EPS15L1: variants seen among roughly 807,000 people sequenced by gnomAD.
The protein encoded by EPS15L1 is epidermal growth factor receptor pathway substrate 15 like 1, also known as epidermal growth factor receptor substrate 15-like 1.
Under a neutral mutation model 117.1 loss-of-function variants are expected in EPS15L1, and 43 were observed. The observed-to-expected ratio is 0.37, with a 90% CI of 0.29 to 0.47. The LOEUF (loss-of-function observed/expected upper bound fraction) is 0.47. Among genes scored for constraint, EPS15L1 ranks in the 20% least tolerant of loss-of-function variants. The pLI is 0.99. For missense variants in EPS15L1, 981 were observed against 1,164.0 expected, an observed-to-expected ratio of 0.84 and a Z score of 2.29; for synonymous variants, 459 against 470.5, an observed-to-expected ratio of 0.98 and a Z score of 0.32.
intron 19 of EPS15L1, among the ~76,000 whole-genome samples, chr19:16,387,744 C>A (rs1011410691): frequency 3.3e-5 from 5 of 151,896 alleles, no homozygotes; most frequent in Non-Finnish European, 7.4e-5. Flanking sequence ...CCAGCCTGGG[C>A]GAAAGAGCGA....
chr19:16,417,359 C>CCA, intron 12 of EPS15L1, 193 bp downstream of exon 12: 1 of 580,756 alleles, frequency 1.7e-6, no homozygotes, highest in Non-Finnish European at 3.1e-6. Flanking sequence ...CTGGCTGAGG[C>CCA]TGATTCAAAT....
intron 1 of EPS15L1, among the ~76,000 whole-genome samples, chr19:16,448,774 G>C (rs1599667805): frequency 1.3e-5 from 2 of 151,910 alleles, no homozygotes; most frequent in East Asian, 3.9e-4. Flanking sequence ...AGGCTGCAGT[G>C]AGCCGAGATT....
At chr19:16,468,769 T>C (rs2093324681) in intron 1 of EPS15L1, among the ~76,000 whole-genome samples, 1 of 152,108 alleles carries the variant, frequency 6.6e-6, no homozygotes, top group South Asian at 2.1e-4. Context: ...TCCAATACTT[T>C]AGGAGGCTGA....
intron 1 of EPS15L1, among the ~76,000 whole-genome samples, chr19:16,458,379 C>A (rs897684203): frequency 1.3e-5 from 2 of 152,186 alleles, no homozygotes; most frequent in Non-Finnish European, 2.9e-5. Context: ...CACACCAACA[C>A]AGAAGAGCAA....
intron 8 of EPS15L1, among the ~76,000 whole-genome samples, chr19:16,428,074 G>A (rs1437253018): frequency 6.8e-6 from 1 of 147,376 alleles, no homozygotes; most frequent in Non-Finnish European, 1.5e-5. Flanking sequence ...AGTGGCAGGT[G>A]CCTGTAATCC....
chr19:16,386,199 T>G lies in EPS15L1; in HGVS notation c.2136A>C (p.Ser712=), dbSNP rs757038650. 11 of 1,612,772 alleles carry G rather than the reference T, an allele frequency of 6.8e-6. No individual in the cohort carries two copies. Among genetic ancestry groups the G allele is most frequent in the Non-Finnish European group, 9.3e-6 (11 of 1,179,024 alleles). Residue 712 remains serine, a synonymous_variant, in exon 20 of 24, where the codon TCA becomes TCC. Coordinates refer to ENST00000455140, the MANE Select transcript of EPS15L1 (RefSeq NM_001258374.3). ...LDPFESSDPF[S]SSSVSSKGSD... ...ATCCTTTTGAGGAGACACTGGAGGA[T>G]GAAAAGGGATCACTGGATTCAAAGG...
intron 23 of EPS15L1, among the ~76,000 whole-genome samples, chr19:16,358,793 A>G (rs2092015402): frequency 6.6e-6 from 1 of 152,166 alleles, no homozygotes; most frequent in African/African-American, 2.4e-5. Context: ...ATTTACCGAC[A>G]ATGAAATTGT....
At position 16,393,830 on chromosome 19, in the gene EPS15L1, G is replaced by A. The variant is rs909003171; in HGVS notation, c.1966+121C>T. 6.4e-5 allele frequency: 65 copies of A among 1,017,460 alleles called. 1 individual carries two copies. Among genetic ancestry groups the A allele is most frequent in the South Asian group, 2.8e-4 (21 of 75,174 alleles). The allele number at this position is 1,017,460 out of a possible 1,614,324, so 63.0% of individuals were successfully genotyped here. On this transcript the variant is annotated intron_variant, in intron 18 of 23. Transcript: ENST00000455140. ...ATGGGTACAACATGGATGGACGGCC[G>A]TCCTTCCCAGTTACATGGCTGCCAT...
rs2093345228 is a variant in EPS15L1, at chr19:16,471,410, G to C, written c.33+503C>G. Reference sequence around the variant, plus strand: ...AGAGGCGCCCGGAGACGTACGATCTGCGCCCGGTGCAGGGGTGGCGGAAGC... The same window carrying C: ...AGAGGCGCCCGGAGACGTACGATCTCCGCCCGGTGCAGGGGTGGCGGAAGC... On this transcript the variant is annotated intron_variant, in intron 1 of 23. Coordinates refer to ENST00000455140, the MANE Select transcript of EPS15L1 (RefSeq NM_001258374.3). This position sits in a 1 kb window ranked among gnomAD's most constrained non-coding sequence, Gnocchi z 4.8. 6.6e-6 allele frequency among the ~76,000 whole-genome samples: 1 copy of C among 152,254 alleles called. No homozygotes were observed. The highest frequency in any genetic ancestry group is 2.1e-4 in the South Asian group (1 of 4,834).
At chr19:16,398,890 G>A (rs762445473) in intron 16 of EPS15L1, among the ~76,000 whole-genome samples, 7 of 152,152 alleles carry the variant, frequency 4.6e-5, no homozygotes, top group East Asian at 1.9e-4. Context: ...CAGAACTCCC[G>A]GGCTCAAGGA....
chr19:16,361,940 C>A lies in EPS15L1; in HGVS notation c.2425G>T (p.Glu809Ter). 6.2e-7 allele frequency: 1 copy of A among 1,613,294 alleles called. No homozygotes were observed. Among genetic ancestry groups the A allele is most frequent in the Non-Finnish European group, 8.5e-7 (1 of 1,179,732 alleles). ...VSQLGSADFP[E>*]APDPFQPLGA... Reference sequence around the variant, plus strand: ...AGTGGCTGGAATGGATCGGGGGCCTCGGGAAAGTCTGCGGAACCAAGCTGG... The same window carrying A: ...AGTGGCTGGAATGGATCGGGGGCCTAGGGAAAGTCTGCGGAACCAAGCTGG... The change falls in exon 23 of 24, where the codon GAG (glutamate) becomes TAG (stop). Residue 809 changes from glutamate to a stop codon, truncating the protein, a stop_gained. Transcript: ENST00000455140. LOFTEE classifies it high-confidence loss of function.
chr19:16,422,972 G>C (rs184120367), intron 9 of EPS15L1, among the ~76,000 whole-genome samples: 16 of 105,518 alleles, frequency 1.5e-4, no homozygotes, highest in East Asian at 7.0e-4. Flanking sequence ...AAAAAAAAAG[G>C]GGGGGGGGAT....
chr19:16,393,756 G>A (rs1210067281), intron 18 of EPS15L1, among the ~76,000 whole-genome samples, 195 bp downstream of exon 18: 1 of 152,166 alleles, frequency 6.6e-6, no homozygotes, highest in Non-Finnish European at 1.5e-5. Context: ...TGCGGGCAGT[G>A]ACTGGACCTG....
rs770343181 is a variant in EPS15L1 at position 16,371,507 on chromosome 19, C to T, written c.2380+5615G>A. Among the ~76,000 whole-genome samples, 2 of 152,320 alleles carry T rather than the reference C, an allele frequency of 1.3e-5. No individual in the cohort carries two copies. Among genetic ancestry groups the T allele is most frequent in the Middle Eastern group, 3.4e-3 (1 of 294 alleles). ...GAAAAGACATGCTCATCACCATCAC[C>T]TATGCGGCTTTGTTTAGGAGGTGAA... On this transcript the variant is annotated intron_variant, in intron 22 of 23. Coordinates refer to ENST00000455140, the MANE Select transcript of EPS15L1 (RefSeq NM_001258374.3). This position sits in a 1 kb window ranked among gnomAD's most constrained non-coding sequence, Gnocchi z 4.7.
chr19:16,395,850 CAGG>C (rs772494063), intron 16 of EPS15L1, among the ~76,000 whole-genome samples: 4 of 149,940 alleles, frequency 2.7e-5, no homozygotes, highest in East Asian at 2.0e-4. Context: ...GAGGCTGAGG[CAGG>C]AGAACTGCTT....
In EPS15L1 at chr19:16,377,129, C is replaced by T. The variant is rs754239491; in HGVS notation, c.2373G>A (p.Pro791=). 5 of 1,599,532 alleles carry T rather than the reference C, an allele frequency of 3.1e-6. No homozygotes were observed. In the South Asian group the frequency reaches 3.4e-5, roughly 11 times the overall value. ...PKKPAPPRPK[P]PSGKSTPVSQ... is the part of the protein sequence containing the mutation. ...AGAAGAAAGCTTACTGACCGCTGGG[C>T]GGTTTAGGCCGTGGAGGAGCAGGTT... Residue 791 remains proline, a synonymous_variant, in exon 22 of 24, where the codon CCG becomes CCA. Transcript: ENST00000455140.
rs141885889 is a variant in EPS15L1, at chr19:16,362,000, G to GAA, written c.2381-18_2381-17dup. On this transcript the variant is annotated splice_polypyrimidine_tract_variant and intron_variant, in intron 22 of 23. Transcript: ENST00000455140. ...GTACTTTTACCTGGAAAGTTTAGGA[G>GAA]AAAAAAAAAAGGAGAAAGAAAGAAA... 215 of 1,374,224 alleles carry GAA rather than the reference G, an allele frequency of 1.6e-4. No homozygotes were observed. The highest frequency in any genetic ancestry group is 1.8e-4 in the Non-Finnish European group (187 of 1,024,230). 85.1% of individuals were successfully genotyped at this position (1,374,224 alleles called of 1,614,324 possible). A position where few individuals can be genotyped will look rare whatever the true frequency, so the allele number is the denominator to read the frequency against.
chr19:16,456,625 T>C (rs2093199230), intron 1 of EPS15L1, among the ~76,000 whole-genome samples: 1 of 151,888 alleles, frequency 6.6e-6, no homozygotes, highest in Non-Finnish European at 1.5e-5. Flanking sequence ...GCCATTGCAC[T>C]CCAGCCTGGG....
intron 23 of EPS15L1, among the ~76,000 whole-genome samples, chr19:16,360,209 C>A (rs1395214159): frequency 1.3e-5 from 2 of 152,042 alleles, no homozygotes; most frequent in Non-Finnish European, 2.9e-5. Context: ...CTACCCAAGA[C>A]AGAGTACCTG....
Sources: allele counts gnomAD v4.1 joint callset (sites outside exome capture counted in the v4.1 genomes callset), GRCh38; gene constraint gnomAD v4.1.1; non-coding constraint Gnocchi (gnomAD v3.1); transcripts MANE v1.5; gene names NCBI Gene and HGNC (gene_info 2026-07-23, HGNC 2026-07-21).